The following MSI2 variants were observed in gnomAD, a reference collection of about 807,000 sequenced individuals.
MSI2 encodes musashi RNA binding protein 2.
A neutral mutation model predicts 45.6 loss-of-function variants in MSI2; 17 were observed. The ratio of observed to expected loss-of-function variants is 0.37; its 90% confidence interval spans 0.26 to 0.56. The LOEUF (loss-of-function observed/expected upper bound fraction) is 0.56. MSI2 is among the 20% of genes least tolerant of loss of function. MSI2 has a pLI of 0.77. For synonymous variants in MSI2, 156 were observed against 158.2 expected (o/e 0.99, Z 0.11); for missense variants, 293 against 444.2 (o/e 0.66, Z 3.06).
intron 10 of MSI2, chr17:57,633,240 G>C (rs768310637): frequency 1.0e-6 from 1 of 954,804 alleles, no homozygotes; most frequent in Non-Finnish European, 1.3e-6. Flanking sequence ...CTCCGGGGGA[G>C]GTGAATGCAC....
At chr17:57,429,678 TA>T (rs2084558703) in intron 6 of MSI2, among the ~76,000 whole-genome samples, 1 of 151,830 alleles carries the variant, frequency 6.6e-6, no homozygotes, top group Non-Finnish European at 1.5e-5. Context: ...CTCTAGTCTG[TA>T]ACAAACACAC....
chr17:57,273,817 C>T (rs16958164), intron 5 of MSI2, among the ~76,000 whole-genome samples: 18,746 of 152,150 alleles, frequency 0.12, 1,650 homozygotes, highest in African/African-American at 0.25. Context: ...TATAAAGAGA[C>T]GGTGGAGTGA....
chr17:57,520,707 G>A lies in MSI2; in HGVS notation c.406-8969G>A, dbSNP rs963993447. On this transcript the variant is annotated intron_variant, in intron 6 of 13. Transcript: ENST00000284073. ...CTTGCTCTGTCGCCCAGGCTGGAGTGCAGTACCATGATCTCAGCTCACTGC... is the reference window on the plus strand; with the variant it reads ...CTTGCTCTGTCGCCCAGGCTGGAGTACAGTACCATGATCTCAGCTCACTGC... 5.9e-5 allele frequency among the ~76,000 whole-genome samples: 9 copies of A among 152,264 alleles called. No homozygotes were observed. The East Asian group carries it at 1.7e-3, about 29-fold the overall frequency.
At chr17:57,365,000 T>A (rs1401653185) in intron 5 of MSI2, 3 of 152,224 alleles carry the variant, frequency 2.0e-5, no homozygotes, top group East Asian at 3.9e-4. Flanking sequence ...TTTAAAAAAA[T>A]AAAAACCACA....
At chr17:57,562,150 G>A (rs997504407) in intron 7 of MSI2, among the ~76,000 whole-genome samples, 18 of 152,184 alleles carry the variant, frequency 1.2e-4, no homozygotes, top group South Asian at 4.1e-4. Flanking sequence ...CCATCTGCCC[G>A]TTCATCCATC....
intron 7 of MSI2, among the ~76,000 whole-genome samples, chr17:57,592,379 A>G (rs765323254): frequency 2.4e-4 from 37 of 152,128 alleles, no homozygotes; most frequent in Non-Finnish European, 4.3e-4. Flanking sequence ...TTACTAATTC[A>G]TTGTAAATGC....
At chr17:57,388,507 G>T (rs1353240278) in intron 5 of MSI2, among the ~76,000 whole-genome samples, 1 of 152,210 alleles carries the variant, frequency 6.6e-6, no homozygotes, top group African/African-American at 2.4e-5. Context: ...ACCTGCTGGT[G>T]GGGGAGCTAA....
chr17:57,395,340 C>G (rs2083869440), intron 5 of MSI2, among the ~76,000 whole-genome samples: 1 of 152,240 alleles, frequency 6.6e-6, no homozygotes. Flanking sequence ...CCAACCCAGT[C>G]TCTTTTCCAC....
intron 6 of MSI2, among the ~76,000 whole-genome samples, chr17:57,443,831 G>T (rs558204150): frequency 1.3e-5 from 2 of 152,234 alleles, no homozygotes; most frequent in Non-Finnish European, 2.9e-5. Context: ...TTGAGGACAG[G>T]GTGAGCACCC....
chr17:57,494,285 A>G (rs923350908), intron 6 of MSI2, among the ~76,000 whole-genome samples: 1 of 152,196 alleles, frequency 6.6e-6, no homozygotes, highest in Admixed American at 6.5e-5. Context: ...CATTAAGGCC[A>G]GGAGGTTTGG....
intron 6 of MSI2, among the ~76,000 whole-genome samples, chr17:57,415,830 C>T (rs2084285136): frequency 6.6e-6 from 1 of 152,164 alleles, no homozygotes; most frequent in African/African-American, 2.4e-5. Context: ...CCACAGCTAT[C>T]CCTCTGACAA....
intron 5 of MSI2, among the ~76,000 whole-genome samples, chr17:57,293,968 C>T (rs1041216352): frequency 6.7e-6 from 1 of 150,216 alleles, no homozygotes; most frequent in African/African-American, 2.5e-5. Flanking sequence ...ATAGGCAATG[C>T]ATGTTCACTT....
At chr17:57,480,333 T>C (rs2085623722) in intron 6 of MSI2, among the ~76,000 whole-genome samples, 1 of 152,132 alleles carries the variant, frequency 6.6e-6, no homozygotes, top group African/African-American at 2.4e-5. Flanking sequence ...TATGAAGAAT[T>C]AATGTTGGCA....
intron 7 of MSI2, among the ~76,000 whole-genome samples, chr17:57,562,360 A>T (rs182275765): frequency 2.0e-5 from 3 of 152,354 alleles, no homozygotes; most frequent in African/African-American, 7.2e-5. Context: ...TCATACACAG[A>T]GGAAGCATTC....
At chr17:57,453,539 T>C (rs2143566632) in intron 6 of MSI2, among the ~76,000 whole-genome samples, 1 of 152,286 alleles carries the variant, frequency 6.6e-6, no homozygotes, top group Admixed American at 6.5e-5. Flanking sequence ...TTCAGCCTAG[T>C]AGAGGGACAA....
At chr17:57,436,456 T>C (rs1027477131) in intron 6 of MSI2, among the ~76,000 whole-genome samples, 3 of 152,242 alleles carry the variant, frequency 2.0e-5, no homozygotes, top group African/African-American at 4.8e-5. Context: ...GTTCTGGCTA[T>C]TGGGTTCTCC....
chr17:57,522,479 G>A (rs1047531153), intron 6 of MSI2: 9 of 152,164 alleles, frequency 5.9e-5, no homozygotes, highest in African/African-American at 1.9e-4. Flanking sequence ...CCCCAGAGGA[G>A]TAGGACATTT....
chr17:57,594,123 C>T (rs1393935151), intron 7 of MSI2, among the ~76,000 whole-genome samples: 1 of 152,192 alleles, frequency 6.6e-6, no homozygotes, highest in Admixed American at 6.5e-5. Context: ...TGTTAGGGGC[C>T]CTGTTCCGTC....
intron 5 of MSI2, among the ~76,000 whole-genome samples, chr17:57,296,076 A>G (rs1233750774): frequency 7.5e-6 from 1 of 134,002 alleles, no homozygotes; most frequent in Non-Finnish European, 1.5e-5. Flanking sequence ...CTCTCTGGTC[A>G]TCACAGCTGA....
Sources: gnomAD v4.1 joint callset for allele counts (sites outside exome capture counted in the v4.1 genomes callset) on GRCh38, gnomAD v4.1.1 for gene constraint, MANE v1.5 for transcripts, NCBI Gene and HGNC (gene_info 2026-07-23, HGNC 2026-07-21) for gene names.